The following CLIC6 variants were observed in gnomAD, a reference collection of about 807,000 sequenced individuals.
CLIC6 encodes chloride intracellular channel protein 6.
CLIC6 carries 39 observed loss-of-function variants against 49.2 expected under a neutral mutation model. The observed-to-expected ratio is 0.79, with a 90% CI of 0.61 to 1.04. The LOEUF is 1.04. Among genes scored for constraint, CLIC6 ranks in the 50% least tolerant of loss-of-function variants. The pLI, the probability that CLIC6 is intolerant of heterozygous loss-of-function variation, is 0.00. For synonymous variants in CLIC6, 446 were observed against 433.4 expected (o/e 1.03, Z -0.36); for missense variants, 988 against 993.1 (o/e 0.99, Z 0.07).
chr21:34,713,647 C>G (rs1334797072), intron 5 of CLIC6, among the ~76,000 whole-genome samples: 1 of 148,348 alleles, frequency 6.7e-6, no homozygotes, highest in East Asian at 2.0e-4. Context: ...TGATCAGGAA[C>G]AAGAGAACAG....
At position 34,689,848 on chromosome 21, in the gene CLIC6, G is replaced by A. The variant is rs150286118; in HGVS notation, c.1375-17432G>A. On this transcript the variant is annotated intron_variant, in intron 1 of 5. Transcript: ENST00000349499. ...TCCATGTCTTTGTTGGCTCTCTGATGTTTCCTTGAACGCTTTATCATTTTT... is the reference window on the plus strand; with the variant it reads ...TCCATGTCTTTGTTGGCTCTCTGATATTTCCTTGAACGCTTTATCATTTTT... 4.7e-3 allele frequency among the ~76,000 whole-genome samples: 722 copies of A among 152,222 alleles called. 7 individuals are homozygous for A. The highest frequency in any genetic ancestry group is 0.015 in the African/African-American group (608 of 41,518).
At chr21:34,716,013 A>G (rs1211356891) in intron 5 of CLIC6, among the ~76,000 whole-genome samples, 1 of 152,238 alleles carries the variant, frequency 6.6e-6, no homozygotes, top group Non-Finnish European at 1.5e-5. Flanking sequence ...GTAACAGGCA[A>G]CACAAAGAGA....
intron 1 of CLIC6, among the ~76,000 whole-genome samples, chr21:34,692,967 G>A (rs1481413075): frequency 6.6e-6 from 1 of 152,136 alleles, no homozygotes; most frequent in Non-Finnish European, 1.5e-5. Flanking sequence ...TCCCACCACT[G>A]GACTTCCTCC....
At chr21:34,680,312 AG>A (rs894148453) in intron 1 of CLIC6, among the ~76,000 whole-genome samples, 13 of 152,228 alleles carry the variant, frequency 8.5e-5, no homozygotes, top group African/African-American at 3.1e-4. Context: ...GCTGGGATGC[AG>A]GGCACTAAGT....
intron 1 of CLIC6, among the ~76,000 whole-genome samples, chr21:34,681,420 C>T (rs1989778621): frequency 6.6e-6 from 1 of 152,220 alleles, no homozygotes; most frequent in Non-Finnish European, 1.5e-5. Context: ...TTGGGTAGTT[C>T]TGGCTCATGT....
At position 34,713,157 on chromosome 21, in the gene CLIC6, G is replaced by A. The variant is rs56739017; in HGVS notation, c.1900-3164G>A. Among the ~76,000 whole-genome samples, 615 of 152,150 alleles carry A rather than the reference G, an allele frequency of 4.0e-3. 5 individuals are homozygous for A. The highest frequency in any genetic ancestry group is 0.014 in the African/African-American group (575 of 41,510). On this transcript the variant is annotated intron_variant, in intron 5 of 5. Transcript: ENST00000349499. The stretch of plus-strand genomic sequence containing the variant: ...GATTGAAAAGAAGGGGGTGGGGGGA[G>A]GAATGATAAAGACAAGAAACAAAAA...
intron 5 of CLIC6, among the ~76,000 whole-genome samples, chr21:34,710,135 G>A (rs1050231891): frequency 1.1e-4 from 17 of 151,916 alleles, no homozygotes; most frequent in Admixed American, 3.3e-4. Flanking sequence ...AAAATTAGCT[G>A]GGCATGGTGG....
At position 34,669,697 on chromosome 21, in the gene CLIC6, C is replaced by T. The variant is rs765971092; in HGVS notation, c.309C>T (p.Ser103=). The change falls in exon 1 of 6, where the codon AGC becomes AGT. Residue 103 remains serine, a synonymous_variant. Coordinates refer to ENST00000349499, the MANE Select transcript of CLIC6 (RefSeq NM_053277.3). ...TGCCCCAAGGAGGGGAGGAGACAAG[C>T]GGCGCGCAGCAGGTGGAGGGGGCGA... The part of the protein sequence containing the change: ...AEVPQGGEET[S]GAQQVEGASP... The T allele has an allele frequency of 2.9e-6, 4 of 1,361,148 alleles. No individual in the cohort carries two copies. Among genetic ancestry groups the T allele is most frequent in the Admixed American group, 3.8e-5 (1 of 26,538 alleles). 84.3% of individuals were successfully genotyped at this position (1,361,148 alleles called of 1,614,324 possible). A position where few individuals can be genotyped will look rare whatever the true frequency, so the allele number is the denominator to read the frequency against.
chr21:34,703,814 C>T (rs1051263969), intron 1 of CLIC6, among the ~76,000 whole-genome samples: 6 of 152,174 alleles, frequency 3.9e-5, no homozygotes, highest in Admixed American at 2.6e-4. Context: ...GCTGGTATCC[C>T]GAGAGCTTTT....
At chr21:34,716,241 C>G in intron 5 of CLIC6, 80 bp from the exon 6 acceptor site, 1 of 1,198,148 alleles carries the variant, frequency 8.3e-7, no homozygotes, top group Admixed American at 1.9e-5. Context: ...TATTGCATGC[C>G]TCAGAAGAAT....
intron 1 of CLIC6, among the ~76,000 whole-genome samples, chr21:34,689,148 G>T (rs1989939897): frequency 6.6e-6 from 1 of 152,232 alleles, no homozygotes; most frequent in Admixed American, 6.5e-5. Flanking sequence ...GAAGCCAACA[G>T]CCCTCTTGTT....
intron 5 of CLIC6, among the ~76,000 whole-genome samples, chr21:34,715,774 G>A (rs1373281432): frequency 6.6e-6 from 1 of 152,216 alleles, no homozygotes; most frequent in Non-Finnish European, 1.5e-5. Context: ...ATTTGCATCT[G>A]CTTTGTTCAT....
intron 1 of CLIC6, among the ~76,000 whole-genome samples, chr21:34,684,099 T>C (rs1175547571): frequency 6.6e-6 from 1 of 151,794 alleles, no homozygotes; most frequent in South Asian, 2.1e-4. Context: ...TTTTTTTTTT[T>C]GTCCTTCACA....
chr21:34,669,991 C>T lies in CLIC6; in HGVS notation c.603C>T (p.Asp201=). 1 of 1,362,662 alleles carries T rather than the reference C, an allele frequency of 7.3e-7. No homozygotes were observed. The allele number at this position is 1,362,662 out of a possible 1,614,324, so 84.4% of individuals were successfully genotyped here. Residue 201 remains aspartate, a synonymous_variant, in exon 1 of 6, where the codon GAC becomes GAT. Transcript: ENST00000349499. Reference sequence around the variant, plus strand: ...AAGGTCCGGCGGGGGACAGCGTAGACGCGGAGGGCCCGCTGGGGGACAACA... The same window carrying T: ...AAGGTCCGGCGGGGGACAGCGTAGATGCGGAGGGCCCGCTGGGGGACAACA... The part of the protein sequence containing the change: ...DAEGPAGDSV[D]AEGPLGDNIQ...
intron 1 of CLIC6, among the ~76,000 whole-genome samples, chr21:34,689,953 AG>A (rs1403146197): frequency 3.3e-5 from 5 of 152,184 alleles, no homozygotes; most frequent in African/African-American, 1.2e-4. Context: ...TTTTCCTTTT[AG>A]GAGCCATTCT....
chr21:34,708,096 A>T (rs893024751), intron 3 of CLIC6, 27 bp downstream of exon 3: 2 of 1,613,648 alleles, frequency 1.2e-6, no homozygotes, highest in Admixed American at 3.3e-5. Flanking sequence ...CAGTGTTCAT[A>T]ACTTGATTGT....
At chr21:34,715,840 C>T (rs758221060) in intron 5 of CLIC6, among the ~76,000 whole-genome samples, 2 of 152,198 alleles carry the variant, frequency 1.3e-5, no homozygotes, top group Admixed American at 6.5e-5. Context: ...TTAGTGGCAG[C>T]ATGATGGCAT....
chr21:34,709,578 C>A (rs201204252), intron 5 of CLIC6, 40 bp downstream of exon 5: 2 of 1,561,744 alleles, frequency 1.3e-6, no homozygotes, highest in Non-Finnish European at 1.8e-6. Context: ...AGTACACGAA[C>A]GGGGCTTTGT....
chr21:34,679,406 C>T (rs998553100), intron 1 of CLIC6, among the ~76,000 whole-genome samples: 7 of 152,284 alleles, frequency 4.6e-5, no homozygotes, highest in East Asian at 1.9e-4. Flanking sequence ...TATTACAATT[C>T]GAGGTGAGAT....
Sources: gnomAD v4.1 joint callset for allele counts (sites outside exome capture counted in the v4.1 genomes callset) on GRCh38, gnomAD v4.1.1 for gene constraint, MANE v1.5 for transcripts, NCBI Gene and HGNC (gene_info 2026-07-23, HGNC 2026-07-21) for gene names.